Variants in RIOK1 observed in about 807,000 individuals in gnomAD.
RIOK1 encodes serine/threonine-protein kinase RIO1.
In RIOK1, 66 loss-of-function variants were observed where a neutral mutation model predicts 73.5. The ratio of observed to expected loss-of-function variants is 0.90; its 90% confidence interval spans 0.74 to 1.10. RIOK1 has a LOEUF of 1.10. RIOK1 is among the 50% of genes least tolerant of loss of function. The pLI, the probability that RIOK1 is intolerant of heterozygous loss-of-function variation, is 0.00. For missense variants in RIOK1, 658 were observed against 699.8 expected (o/e 0.94, Z 0.67); for synonymous variants, 224 against 226.8 (o/e 0.99, Z 0.11).
intron 13 of RIOK1, 67 bp from the exon 14 acceptor site, chr6:7,411,265 G>T: frequency 1.3e-6 from 2 of 1,545,054 alleles, no homozygotes; most frequent in South Asian, 1.1e-5. Flanking sequence ...CCTGATGGAG[G>T]AGTATGCTGT....
chr6:7,392,148 G>A (rs1035639243), intron 1 of RIOK1, among the ~76,000 whole-genome samples: 26 of 151,234 alleles, frequency 1.7e-4, no homozygotes, highest in Non-Finnish European at 3.1e-4. Flanking sequence ...AATTGACTAT[G>A]CCAGTGAAGG....
intron 2 of RIOK1, 21 bp downstream of exon 2, chr6:7,393,324 C>T (rs761072281): frequency 2.5e-6 from 4 of 1,602,602 alleles, no homozygotes; most frequent in African/African-American, 2.7e-5. Context: ...AAGGATCCTG[C>T]ACATCTTTAT....
At chr6:7,406,424 A>G (rs1455686690) in intron 12 of RIOK1, among the ~76,000 whole-genome samples, 1 of 152,196 alleles carries the variant, frequency 6.6e-6, no homozygotes, top group Non-Finnish European at 1.5e-5. Context: ...GGTACAAACT[A>G]TCACCACTGT....
intron 12 of RIOK1, among the ~76,000 whole-genome samples, chr6:7,405,778 T>G (rs926803640): frequency 8.5e-5 from 12 of 141,284 alleles, no homozygotes; most frequent in African/African-American, 1.3e-4. Flanking sequence ...AAGCCAGGGG[T>G]TTTTTTTTTT....
rs1390857261 is a variant in RIOK1, at chr6:7,403,926, G to A, written c.768-15G>A. The A allele has an allele frequency of 3.8e-6, 6 of 1,587,112 alleles. No individual in the cohort carries two copies. In the Admixed American group the frequency reaches 5.1e-5, roughly 13 times the overall value. On this transcript the variant is annotated splice_polypyrimidine_tract_variant and intron_variant, in intron 8 of 16. Coordinates refer to ENST00000379834, the MANE Select transcript of RIOK1 (RefSeq NM_031480.3). ...CAACTTTTCAGTTGTCCTTTTATTT[G>A]TTATAATATCACAGGCTAAACACAG...
chr6:7,395,349 A>G (rs1269351245), intron 3 of RIOK1, among the ~76,000 whole-genome samples: 1 of 152,096 alleles, frequency 6.6e-6, no homozygotes, highest in African/African-American at 2.4e-5. Context: ...CCCTATCTCT[A>G]CTAAAAATAC....
chr6:7,407,559 A>G (rs1373359970), intron 12 of RIOK1, among the ~76,000 whole-genome samples: 1 of 150,574 alleles, frequency 6.6e-6, no homozygotes, highest in Non-Finnish European at 1.5e-5. Context: ...ATCCTGTCTC[A>G]CTACAGTCTC....
Position 7,409,795 on chromosome 6 carries a change from CAAAAA to C in RIOK1, c.1204-575_1204-571del, listed in dbSNP as rs34196824. Among the ~76,000 whole-genome samples the C allele has an allele frequency of 7.8e-5, 8 of 103,154 alleles. No individual in the cohort carries two copies. In the South Asian group the frequency reaches 2.4e-3, roughly 31 times the overall value. 67.7% of individuals were successfully genotyped at this position (103,154 alleles called of 152,430 possible). On this transcript the variant is annotated intron_variant, in intron 12 of 16. Transcript: ENST00000379834. ...CAGCACTGATTTTCGTGTCTAAACT[CAAAAA>C]AAAAAAAAAAAAAAACCTCTGCTCC...
intron 12 of RIOK1, among the ~76,000 whole-genome samples, chr6:7,407,858 C>G (rs1380649457): frequency 2.6e-5 from 4 of 152,158 alleles, no homozygotes; most frequent in Non-Finnish European, 5.9e-5. Flanking sequence ...CTGGATATGT[C>G]AGATACGTGA....
chr6:7,402,413 G>A (rs1761634251), intron 6 of RIOK1, among the ~76,000 whole-genome samples, 190 bp from the exon 7 acceptor site: 2 of 152,148 alleles, frequency 1.3e-5, no homozygotes, highest in African/African-American at 4.8e-5. Flanking sequence ...GACTGTATTT[G>A]TATATTGGAG....
rs572317657 is a variant in RIOK1 at position 7,413,828 on chromosome 6, C to G, written c.1444-410C>G. 9.4e-4 allele frequency among the ~76,000 whole-genome samples: 143 copies of G among 152,324 alleles called. 1 individual carries two copies. The highest frequency in any genetic ancestry group is 3.2e-3 in the African/African-American group (135 of 41,582). ...CTTCTTCACATATTGTTTTCCCTCCCAATTGGATTAGTTTATTGCTAGAAA... is the reference window on the plus strand; with the variant it reads ...CTTCTTCACATATTGTTTTCCCTCCGAATTGGATTAGTTTATTGCTAGAAA... On this transcript the variant is annotated intron_variant, in intron 15 of 16. Transcript: ENST00000379834.
chr6:7,413,707 G>T (rs1761938574), intron 15 of RIOK1, among the ~76,000 whole-genome samples: 1 of 152,096 alleles, frequency 6.6e-6, no homozygotes, highest in Non-Finnish European at 1.5e-5. Context: ...CTAAAGATCT[G>T]TTTTTTTCTT....
intron 12 of RIOK1, among the ~76,000 whole-genome samples, chr6:7,406,722 G>A (rs185982152): frequency 1.1e-4 from 17 of 152,246 alleles, no homozygotes; most frequent in Admixed American, 3.9e-4. Flanking sequence ...GTGCAGTGGC[G>A]TGATCTTGGC....
intron 13 of RIOK1, among the ~76,000 whole-genome samples, chr6:7,410,925 G>A (rs1322927150): frequency 6.6e-6 from 1 of 152,142 alleles, no homozygotes; most frequent in Non-Finnish European, 1.5e-5. Flanking sequence ...TTTGTCGGCA[G>A]CTCTCCACCT....
At chr6:7,410,511 T>C in intron 13 of RIOK1, 60 bp downstream of exon 13, 7 of 1,132,454 alleles carry the variant, frequency 6.2e-6, no homozygotes, top group Non-Finnish European at 9.1e-6. Context: ...GGTTTTTTTT[T>C]TTATGTTGCT....
intron 8 of RIOK1, among the ~76,000 whole-genome samples, chr6:7,403,284 G>A (rs1230272815): frequency 1.3e-5 from 2 of 152,164 alleles, no homozygotes; most frequent in Admixed American, 6.5e-5. Context: ...TCATGTTTTC[G>A]TAGGTATTGG....
intron 9 of RIOK1, 85 bp from the exon 10 acceptor site, chr6:7,404,333 T>G: frequency 6.8e-7 from 1 of 1,463,882 alleles, no homozygotes; most frequent in Non-Finnish European, 9.4e-7. Flanking sequence ...CATGATGAGT[T>G]GTAGAAGAGA....
intron 2 of RIOK1, among the ~76,000 whole-genome samples, chr6:7,393,785 CT>C: frequency 6.6e-6 from 1 of 152,308 alleles, no homozygotes; most frequent in East Asian, 1.9e-4. Flanking sequence ...AATACTTTGA[CT>C]TAGCGATTCT....
At chr6:7,398,573 C>A (rs1449536903) in intron 4 of RIOK1, 125 bp from the exon 5 acceptor site, 1 of 676,280 alleles carries the variant, frequency 1.5e-6, no homozygotes, top group Non-Finnish European at 2.6e-6. Flanking sequence ...ACAATCATAT[C>A]ATAAAATCTG....
Sources: allele counts gnomAD v4.1 joint callset (sites outside exome capture counted in the v4.1 genomes callset), GRCh38; gene constraint gnomAD v4.1.1; transcripts MANE v1.5; gene names NCBI Gene and HGNC (gene_info 2026-07-23, HGNC 2026-07-21).